Variants in CACHD1 observed in about 807,000 individuals in gnomAD.
CACHD1 encodes the protein cache domain containing 1.
CACHD1 carries 71 observed loss-of-function variants against 138.7 expected under a neutral mutation model. That is an observed-to-expected ratio of 0.51 (90% CI 0.42 to 0.62). The LOEUF is 0.62. CACHD1 is among the 20% of genes least tolerant of loss of function. The pLI, the probability that CACHD1 is intolerant of heterozygous loss-of-function variation, is 0.00. For missense variants in CACHD1, 1,389 were observed against 1,625.3 expected, an observed-to-expected ratio of 0.85 and a Z score of 2.50; for synonymous variants, 578 against 591.5, an observed-to-expected ratio of 0.98 and a Z score of 0.33.
At chr1:64,536,857 G>C (rs546087643) in intron 1 of CACHD1, among the ~76,000 whole-genome samples, 58 of 152,304 alleles carry the variant, frequency 3.8e-4, no homozygotes, top group Admixed American at 1.9e-3. Context: ...AATTTGAAGA[G>C]CAAACCTAAT....
chr1:64,651,753 C>G (rs1649104635), intron 9 of CACHD1, among the ~76,000 whole-genome samples: 1 of 152,212 alleles, frequency 6.6e-6, no homozygotes, highest in Admixed American at 6.5e-5. Context: ...TACAGCTGGA[C>G]TATTAAGTAC....
intron 2 of CACHD1, among the ~76,000 whole-genome samples, chr1:64,569,319 A>G (rs1646908345): frequency 6.6e-6 from 1 of 152,260 alleles, no homozygotes; most frequent in South Asian, 2.1e-4. Flanking sequence ...TATGCCATCT[A>G]TAGAAAATAG....
intron 26 of CACHD1, among the ~76,000 whole-genome samples, chr1:64,690,138 T>C (rs1650500604): frequency 6.6e-6 from 1 of 152,244 alleles, no homozygotes; most frequent in East Asian, 1.9e-4. Flanking sequence ...CAGGCTTTCA[T>C]CTTTATATGT....
intron 8 of CACHD1, among the ~76,000 whole-genome samples, chr1:64,644,301 G>GT (rs1228036668): frequency 6.6e-6 from 1 of 152,230 alleles, no homozygotes; most frequent in African/African-American, 2.4e-5. Flanking sequence ...CACCTACCAT[G>GT]TACAACACAG....
intron 1 of CACHD1, among the ~76,000 whole-genome samples, chr1:64,545,644 G>A (rs1238991433): frequency 6.6e-6 from 1 of 152,196 alleles, no homozygotes; most frequent in East Asian, 1.9e-4. Context: ...GCTACTACGA[G>A]TAGTTTTGCT....
chr1:64,496,722 G>T (rs1255745882), intron 1 of CACHD1, among the ~76,000 whole-genome samples: 1 of 152,112 alleles, frequency 6.6e-6, no homozygotes, highest in Non-Finnish European at 1.5e-5. Flanking sequence ...GTCTCTTCCA[G>T]CTGAGCCAAC....
chr1:64,669,316 T>G (rs574792052), intron 16 of CACHD1, among the ~76,000 whole-genome samples: 35 of 152,292 alleles, frequency 2.3e-4, no homozygotes, highest in Non-Finnish European at 4.4e-4. Flanking sequence ...TGGCAGTTAT[T>G]TTTATCATGC....
intron 16 of CACHD1, among the ~76,000 whole-genome samples, chr1:64,667,810 C>T (rs1649685375): frequency 6.6e-6 from 1 of 152,200 alleles, no homozygotes; most frequent in Admixed American, 6.5e-5. Flanking sequence ...CTCCTCTCAC[C>T]TGGCAGCTTA....
chr1:64,557,351 T>C (rs1177861015), intron 2 of CACHD1, among the ~76,000 whole-genome samples: 1 of 152,110 alleles, frequency 6.6e-6, no homozygotes, highest in Non-Finnish European at 1.5e-5. Flanking sequence ...CTTAACTTTT[T>C]CTCAAATGCT....
At chr1:64,487,987 A>G (rs1035366352) in intron 1 of CACHD1, among the ~76,000 whole-genome samples, 1 of 152,112 alleles carries the variant, frequency 6.6e-6, no homozygotes, top group African/African-American at 2.4e-5. Context: ...TGCTTTTATG[A>G]TTTATGTTTT....
intron 1 of CACHD1, among the ~76,000 whole-genome samples, chr1:64,488,630 C>T (rs867580316): frequency 5.3e-5 from 8 of 152,142 alleles, no homozygotes; most frequent in Non-Finnish European, 1.0e-4. Context: ...GACTTTCATA[C>T]ACTGGTTCTC....
chr1:64,522,058 G>A (rs1646502070), intron 1 of CACHD1, among the ~76,000 whole-genome samples: 2 of 152,156 alleles, frequency 1.3e-5, no homozygotes, highest in South Asian at 4.1e-4. Context: ...GATTGTCCCT[G>A]TGATTTCTTC....
At position 64,522,135 on chromosome 1, in the gene CACHD1, T is replaced by C. The variant is rs539050710; in HGVS notation, c.199-28459T>C. Reference sequence around the variant, plus strand: ...TCCATTTTGAGTTAATTTTTACATATGTTGTAAGGGTCCAACTTTATTCTT... The same window carrying C: ...TCCATTTTGAGTTAATTTTTACATACGTTGTAAGGGTCCAACTTTATTCTT... On this transcript the variant is annotated intron_variant, in intron 1 of 26. Coordinates refer to ENST00000651257, the MANE Select transcript of CACHD1 (RefSeq NM_020925.4). Among the ~76,000 whole-genome samples, 105 of 152,336 alleles carry C rather than the reference T, an allele frequency of 6.9e-4. 1 individual carries two copies. The South Asian group carries it at 0.01, about 15-fold the overall frequency.
At chr1:64,675,260 T>TA in intron 19 of CACHD1, 141 bp from the exon 20 acceptor site, 1 of 600,012 alleles carries the variant, frequency 1.7e-6, no homozygotes, top group Non-Finnish European at 2.7e-6. Context: ...TGACTATATA[T>TA]TTTTTAACAG....
chr1:64,500,416 A>AG (rs1174226120), intron 1 of CACHD1, among the ~76,000 whole-genome samples: 2 of 152,256 alleles, frequency 1.3e-5, no homozygotes, highest in Non-Finnish European at 2.9e-5. Context: ...TAATCTTCGA[A>AG]GAACTTTCCC....
chr1:64,690,527 T>G (rs143670806), intron 26 of CACHD1, among the ~76,000 whole-genome samples: 1,801 of 152,304 alleles, frequency 0.012, 19 homozygotes, highest in Non-Finnish European at 0.018. Context: ...AAACATGTAT[T>G]ACTTAGAATA....
intron 11 of CACHD1, 64 bp from the exon 12 acceptor site, chr1:64,654,622 G>A: frequency 8.3e-7 from 1 of 1,201,414 alleles, no homozygotes; most frequent in Non-Finnish European, 1.2e-6. Flanking sequence ...CTTCTTCCTT[G>A]CCTTTAATTA....
intron 26 of CACHD1, among the ~76,000 whole-genome samples, chr1:64,684,363 C>CTTTTTTTTTTTTTTTTTTTTTTTTTTTT (rs397980387): frequency 1.8e-5 from 1 of 54,964 alleles, no homozygotes; most frequent in Non-Finnish European, 3.5e-5. Flanking sequence ...TCTTCTTCTT[C>CTTTTTTTTTTTTTTTTTTTTTTTTTTTT]TTTTTTTTTT....
intron 4 of CACHD1, among the ~76,000 whole-genome samples, chr1:64,606,129 ACG>A (rs1553138120): frequency 1.3e-5 from 2 of 149,696 alleles, no homozygotes; most frequent in Non-Finnish European, 1.5e-5. Context: ...ACACACACAC[ACG>A]CACACACACG....
Sources: gnomAD v4.1 joint callset for allele counts (sites outside exome capture counted in the v4.1 genomes callset) on GRCh38, gnomAD v4.1.1 for gene constraint, MANE v1.5 for transcripts, NCBI Gene and HGNC (gene_info 2026-07-23, HGNC 2026-07-21) for gene names.